The following RCOR3 variants were observed in gnomAD, a reference collection of about 807,000 sequenced individuals.
The protein encoded by RCOR3 is REST corepressor 3.
RCOR3 carries 13 observed loss-of-function variants against 64.1 expected under a neutral mutation model. The ratio of observed to expected loss-of-function variants is 0.20; its 90% CI spans 0.13 to 0.32. RCOR3 has a LOEUF of 0.32. Ranked by LOEUF, RCOR3 falls within the 10% of genes least tolerant of loss-of-function variation. The probability of loss-of-function intolerance (pLI) is 1.00; values close to 1 mark genes in which losing one functional copy is unlikely to be tolerated. For synonymous variants in RCOR3, 215 were observed against 239.0 expected (o/e 0.90, Z 0.93); for missense variants, 489 against 701.2 (o/e 0.70, Z 3.42).
rs1694361192 is a variant in RCOR3, at chr1:211,261,931, A to AAAAAAAAAC, written c.223+1775_223+1776insCAAAAAAAA. ...AGAGTGAGACTCCATCTCAAAAAAA[A>AAAAAAAAAC]AAAAAAAAAACTGAATTCAATTCCT... On this transcript the variant is annotated intron_variant, in intron 2 of 11. Coordinates refer to ENST00000419091, the MANE Select transcript of RCOR3 (RefSeq NM_001136223.3). 3.4e-5 allele frequency among the ~76,000 whole-genome samples: 5 copies of AAAAAAAAAC among 146,330 alleles called. 1 individual carries two copies. In the South Asian group the frequency reaches 9.0e-4, roughly 26 times the overall value.
rs1030296941 is a variant in RCOR3, at chr1:211,314,863, G to A, written c.*1095G>A. ...TTTGTGTATTCCTTGCAGCCAACCT[G>A]TATTCGTGGGATTGGTGTAGGGTTA... is the stretch of plus-strand genomic sequence containing the variant. On this transcript the variant is annotated 3_prime_UTR_variant, in exon 12 of 12. Coordinates refer to ENST00000419091, the MANE Select transcript of RCOR3 (RefSeq NM_001136223.3). 4 of 152,108 alleles carry A rather than the reference G, an allele frequency of 2.6e-5. No homozygotes were observed. The highest frequency in any genetic ancestry group is 9.7e-5 in the African/African-American group (4 of 41,444). The allele number at this position is 152,108 out of a possible 1,614,324, so 9.4% of individuals were successfully genotyped here.
chr1:211,290,889 TGAA>T (rs1699167473), intron 8 of RCOR3, among the ~76,000 whole-genome samples: 1 of 152,198 alleles, frequency 6.6e-6, no homozygotes, highest in South Asian at 2.1e-4. Context: ...AGGAAACTGC[TGAA>T]GGACTTTAAG....
intron 8 of RCOR3, among the ~76,000 whole-genome samples, chr1:211,289,778 A>T (rs1164190471): frequency 6.6e-6 from 1 of 151,948 alleles, no homozygotes; most frequent in Admixed American, 6.6e-5. Context: ...TGTTGTCTTC[A>T]TCATCATCAT....
chr1:211,266,299 C>T (rs970261183), intron 2 of RCOR3, among the ~76,000 whole-genome samples: 5 of 152,014 alleles, frequency 3.3e-5, no homozygotes, highest in Non-Finnish European at 5.9e-5. Context: ...CCATGATCTT[C>T]GTCAAAGTCC....
intron 8 of RCOR3, 50 bp downstream of exon 8, chr1:211,289,446 C>T (rs375604468): frequency 5.0e-4 from 721 of 1,433,598 alleles, no homozygotes; most frequent in Admixed American, 1.0e-3. Flanking sequence ...TTTGGCTATC[C>T]GCTTTTACCT....
intron 2 of RCOR3, among the ~76,000 whole-genome samples, chr1:211,263,431 T>G (rs970780992): frequency 2.6e-4 from 4 of 15,276 alleles, no homozygotes; most frequent in African/African-American, 4.6e-4. Context: ...TATTTTCAAT[T>G]TATTTACTCA....
At chr1:211,309,777 A>T (rs1214400738) in intron 10 of RCOR3, among the ~76,000 whole-genome samples, 2 of 152,236 alleles carry the variant, frequency 1.3e-5, no homozygotes, top group African/African-American at 2.4e-5. Flanking sequence ...AAACTCGGGT[A>T]GCTCTGATGC....
At chr1:211,276,149 C>A in intron 4 of RCOR3, 108 bp from the exon 5 acceptor site, 1 of 1,022,128 alleles carries the variant, frequency 9.8e-7, no homozygotes. Flanking sequence ...AGTCTATCTT[C>A]AGTCGAAGTC....
At chr1:211,294,353 T>A (rs1699603831) in intron 8 of RCOR3, among the ~76,000 whole-genome samples, 1 of 152,182 alleles carries the variant, frequency 6.6e-6, no homozygotes, top group African/African-American at 2.4e-5. Flanking sequence ...CCCACTTCCA[T>A]AAGCAACCTT....
At chr1:211,277,736 G>A (rs1222713863) in intron 5 of RCOR3, among the ~76,000 whole-genome samples, 1 of 152,194 alleles carries the variant, frequency 6.6e-6, no homozygotes, top group Admixed American at 6.5e-5. Flanking sequence ...TCTGGAATTA[G>A]ATAGAGGTGG....
intron 2 of RCOR3, chr1:211,261,115 A>C (rs577292608): frequency 1.3e-5 from 2 of 151,714 alleles, no homozygotes; most frequent in Non-Finnish European, 2.9e-5. Context: ...TCCTCCTTAC[A>C]GTTTGTCAAT....
chr1:211,285,788 G>C (rs1192931708), intron 7 of RCOR3, among the ~76,000 whole-genome samples: 1 of 152,162 alleles, frequency 6.6e-6, no homozygotes, highest in Non-Finnish European at 1.5e-5. Context: ...CTTGGTTTTT[G>C]TTGTCTGCTT....
chr1:211,312,855 C>CA lies in RCOR3; in HGVS notation c.1212dup (p.Glu405ArgfsTer8). The CA allele has an allele frequency of 6.2e-7, 1 of 1,614,138 alleles. No homozygotes were observed. The highest frequency in any genetic ancestry group is 8.5e-7 in the Non-Finnish European group (1 of 1,180,024). ...GAGGAGGTATTGCAGGAGTGGGAAGCAGAACAAGGAACCCAGGCTTCTAAT... is the reference window on the plus strand; with the variant it reads ...GAGGAGGTATTGCAGGAGTGGGAAGCAAGAACAAGGAACCCAGGCTTCTAAT... On this transcript the variant is annotated frameshift_variant, in exon 11 of 12. Transcript: ENST00000419091. LOFTEE classifies it high-confidence loss of function. This position sits in a 1 kb window ranked among gnomAD's most constrained non-coding sequence, Gnocchi z 5.0.
chr1:211,307,449 C>A (rs1351385058), intron 10 of RCOR3, among the ~76,000 whole-genome samples: 1 of 149,812 alleles, frequency 6.7e-6, no homozygotes, highest in Non-Finnish European at 1.5e-5. Flanking sequence ...AGATGGCACT[C>A]CAGCCTGGGC....
chr1:211,291,817 C>T (rs1699273485), intron 8 of RCOR3, among the ~76,000 whole-genome samples: 1 of 152,124 alleles, frequency 6.6e-6, no homozygotes, highest in South Asian at 2.1e-4. Context: ...TACTGAAACA[C>T]CTCTCCGAAG....
chr1:211,279,993 CT>C (rs1697558461), intron 7 of RCOR3, among the ~76,000 whole-genome samples: 1 of 152,132 alleles, frequency 6.6e-6, no homozygotes. Flanking sequence ...CACTGTAGTC[CT>C]TAAGTGCCTC....
At chr1:211,292,852 G>A (rs920792272) in intron 8 of RCOR3, among the ~76,000 whole-genome samples, 26 of 152,054 alleles carry the variant, frequency 1.7e-4, no homozygotes, top group Non-Finnish European at 5.9e-5. Flanking sequence ...TTGGAAGGCC[G>A]AGGCAGGTGA....
At chr1:211,289,705 C>T (rs1699005388) in intron 8 of RCOR3, among the ~76,000 whole-genome samples, 1 of 152,148 alleles carries the variant, frequency 6.6e-6, no homozygotes. Flanking sequence ...GAATTATTTG[C>T]AGTGATACAT....
Position 211,314,044 on chromosome 1 carries a change from C to T in RCOR3, c.*276C>T, listed in dbSNP as rs371330064. 1 of 355,390 alleles carries T rather than the reference C, an allele frequency of 2.8e-6. No homozygotes were observed. The highest frequency in any genetic ancestry group is 5.1e-6 in the Non-Finnish European group (1 of 195,706). 22.0% of individuals were successfully genotyped at this position (355,390 alleles called of 1,614,324 possible). On this transcript the variant is annotated 3_prime_UTR_variant, in exon 12 of 12. Transcript: ENST00000419091. ...AGGAAAAACAAAAGATTTAAGTATT[C>T]TATATACCAAGTTTTTGTTTTGTTT...
Sources: allele counts gnomAD v4.1 joint callset (sites outside exome capture counted in the v4.1 genomes callset), GRCh38; gene constraint gnomAD v4.1.1; non-coding constraint Gnocchi (gnomAD v3.1); transcripts MANE v1.5; gene names NCBI Gene and HGNC (gene_info 2026-07-23, HGNC 2026-07-21).